IRAK3: variants seen among roughly 807,000 people sequenced by gnomAD.
IRAK3 encodes the protein interleukin-1 receptor-associated kinase 3.
A neutral mutation model predicts 56.6 loss-of-function variants in IRAK3; 57 were observed. The ratio of observed to expected loss-of-function variants is 1.01; its 90% CI spans 0.81 to 1.26. The LOEUF is 1.26. Among genes scored for constraint, IRAK3 ranks in the 50% most tolerant of loss-of-function variants. IRAK3 has a pLI of 0.00. For missense variants in IRAK3, 703 were observed against 719.0 expected (o/e 0.98, Z 0.25); for synonymous variants, 258 against 255.7 (o/e 1.01, Z -0.09).
chr12:66,209,426 T>A, intron 2 of IRAK3, 30 bp from the exon 3 acceptor site: 1 of 1,456,858 alleles, frequency 6.9e-7, no homozygotes, highest in Non-Finnish European at 9.6e-7. Context: ...AAAATTTTTT[T>A]GTATCTACCT....
At chr12:66,226,863 G>T in intron 7 of IRAK3, 26 bp downstream of exon 7, 1 of 1,326,788 alleles carries the variant, frequency 7.5e-7, no homozygotes. Flanking sequence ...TATTCTGTCT[G>T]ATCCTCTGAC....
rs143857306 is a variant in IRAK3 at position 66,245,182 on chromosome 12, C to T, written c.1234C>T (p.Arg412Trp). The change falls in exon 11 of 12, where the codon CGG (arginine) becomes TGG (tryptophan). Residue 412 changes from arginine (R) to tryptophan (W), a missense_variant. Coordinates refer to ENST00000261233, the MANE Select transcript of IRAK3 (RefSeq NM_007199.3). ...FLDKKVPPCP[R>W]NFSAKLFCLA... ...AGATAAGAAAGTGCCTCCCTGCCCTCGGAATTTCTCTGCCAAGCTCTTCTG... is the reference window on the plus strand; with the variant it reads ...AGATAAGAAAGTGCCTCCCTGCCCTTGGAATTTCTCTGCCAAGCTCTTCTG... 94 of 1,614,138 alleles carry T rather than the reference C, an allele frequency of 5.8e-5. No individual in the cohort carries two copies. The highest frequency in any genetic ancestry group is 1.7e-4 in the Middle Eastern group (1 of 6,060).
chr12:66,246,683 T>G (rs2053036488), intron 11 of IRAK3, among the ~76,000 whole-genome samples: 1 of 152,258 alleles, frequency 6.6e-6, no homozygotes, highest in Admixed American at 6.5e-5. Context: ...TTATCATCTA[T>G]AAAATGAGAA....
rs1053716079 is a variant in IRAK3 at position 66,250,827 on chromosome 12, T to G, written c.*2656T>G. ...TGGAAAGCTGGTTAAAAACGCAGAT[T>G]GCTGGGTCCACCCAGCTTCTGATGC... On this transcript the variant is annotated 3_prime_UTR_variant, in exon 12 of 12. Transcript: ENST00000261233. 2 of 152,238 alleles carry G rather than the reference T, an allele frequency of 1.3e-5. No homozygotes were observed. Among genetic ancestry groups the G allele is most frequent in the African/African-American group, 4.8e-5 (2 of 41,466 alleles). The allele number at this position is 152,238 out of a possible 1,614,324, so 9.4% of individuals were successfully genotyped here.
chr12:66,196,843 T>G, intron 1 of IRAK3: 6 of 1,459,548 alleles, frequency 4.1e-6, no homozygotes, highest in Non-Finnish European at 5.4e-6. Flanking sequence ...GCATGCTTTG[T>G]AGAAAGAAAG....
intron 5 of IRAK3, among the ~76,000 whole-genome samples, chr12:66,211,945 T>C (rs1445113112): frequency 2.6e-5 from 4 of 152,078 alleles, no homozygotes; most frequent in Non-Finnish European, 5.9e-5. Flanking sequence ...ACCCTGTCTC[T>C]ACTAAAAACA....
At position 66,244,693 on chromosome 12, in the gene IRAK3, C is replaced by T. The variant is rs2136952912; in HGVS notation, c.1086+9C>T. On this transcript the variant is annotated intron_variant, in intron 9 of 11. Transcript: ENST00000261233. ...TCTACAGCTTTGGAATTGTGAGTAC[C>T]AACTGCCAGTTAACAAAGGAGAGTT... The T allele has an allele frequency of 1.2e-6, 2 of 1,602,976 alleles. No homozygotes were observed. Among genetic ancestry groups the T allele is most frequent in the Non-Finnish European group, 1.7e-6 (2 of 1,169,904 alleles).
chr12:66,210,139 T>C lies in IRAK3; in HGVS notation c.382-8T>C. The C allele has an allele frequency of 1.9e-6, 3 of 1,557,728 alleles. No homozygotes were observed. Among genetic ancestry groups the C allele is most frequent in the Non-Finnish European group, 8.9e-7 (1 of 1,128,826 alleles). On this transcript the variant is annotated splice_region_variant and splice_polypyrimidine_tract_variant and intron_variant, in intron 3 of 11. Transcript: ENST00000261233. ...TGGAATTACTTTAGTATATATTTCTTCTCTTAGGAAACAGCCAATGTCACC... is the reference window on the plus strand; with the variant it reads ...TGGAATTACTTTAGTATATATTTCTCCTCTTAGGAAACAGCCAATGTCACC...
intron 3 of IRAK3, 25 bp from the exon 4 acceptor site, chr12:66,210,122 C>T: frequency 7.0e-7 from 1 of 1,430,122 alleles, no homozygotes; most frequent in Non-Finnish European, 9.9e-7. Context: ...AATGGAATTA[C>T]TTTAGTATAT....
At chr12:66,224,453 A>G (rs999979021) in intron 6 of IRAK3, among the ~76,000 whole-genome samples, 3 of 152,186 alleles carry the variant, frequency 2.0e-5, no homozygotes, top group Non-Finnish European at 4.4e-5. Flanking sequence ...AACTTGGGGG[A>G]TGAGCAGCAG....
chr12:66,210,583 T>A (rs1393975197), intron 4 of IRAK3, among the ~76,000 whole-genome samples: 1 of 152,228 alleles, frequency 6.6e-6, no homozygotes, highest in African/African-American at 2.4e-5. Flanking sequence ...TGTAGAGCAA[T>A]GCTGAAGGTC....
chr12:66,239,864 G>T (rs1268329199), intron 8 of IRAK3, among the ~76,000 whole-genome samples: 1 of 151,998 alleles, frequency 6.6e-6, no homozygotes, highest in Non-Finnish European at 1.5e-5. Flanking sequence ...ACATATGCAC[G>T]GTACATGCCA....
At chr12:66,207,729 C>T (rs2052570854) in intron 2 of IRAK3, among the ~76,000 whole-genome samples, 1 of 151,998 alleles carries the variant, frequency 6.6e-6, no homozygotes, top group Non-Finnish European at 1.5e-5. Flanking sequence ...TTTTCATTTT[C>T]ATTCATCTCA....
chr12:66,209,587 G>A (rs1269055243), intron 3 of IRAK3, 67 bp downstream of exon 3: 1 of 998,224 alleles, frequency 1.0e-6, no homozygotes, highest in African/African-American at 1.6e-5. Context: ...CATAAGGAAT[G>A]AAATTAGCAG....
chr12:66,191,021 GAACA>G (rs2052393837), intron 1 of IRAK3, among the ~76,000 whole-genome samples: 1 of 152,144 alleles, frequency 6.6e-6, no homozygotes, highest in South Asian at 2.1e-4. Context: ...ACCCAAATGA[GAACA>G]AACAAAAGCT....
intron 1 of IRAK3, chr12:66,197,299 T>C (rs2052463725): frequency 9.3e-7 from 1 of 1,079,200 alleles, no homozygotes; most frequent in East Asian, 6.1e-5. Context: ...ATTTGATATG[T>C]ACTGCGAGTA....
intron 2 of IRAK3, 61 bp from the exon 3 acceptor site, chr12:66,209,395 A>C: frequency 1.1e-6 from 1 of 944,464 alleles, no homozygotes; most frequent in Non-Finnish European, 1.7e-6. Flanking sequence ...GAGTCTCAGA[A>C]AGGAAAAACA....
At chr12:66,233,089 A>C (rs1334479938) in intron 8 of IRAK3, among the ~76,000 whole-genome samples, 2 of 152,144 alleles carry the variant, frequency 1.3e-5, no homozygotes, top group African/African-American at 4.8e-5. Context: ...TTTACAAGGC[A>C]TAATAGACCA....
rs1458432598 is a variant in IRAK3 at position 66,253,950 on chromosome 12, A to G, written c.*5779A>G. On this transcript the variant is annotated 3_prime_UTR_variant, in exon 12 of 12. Coordinates refer to ENST00000261233, the MANE Select transcript of IRAK3 (RefSeq NM_007199.3). ...TGCCTTGAAAAAGAATAACTTAAAA[A>G]TTAAAAGTGTCCTCTATTTGAACAT... 3 of 152,210 alleles carry G rather than the reference A, an allele frequency of 2.0e-5. No individual in the cohort carries two copies. The highest frequency in any genetic ancestry group is 7.2e-5 in the African/African-American group (3 of 41,448). 9.4% of individuals were successfully genotyped at this position (152,210 alleles called of 1,614,324 possible).
Sources: gnomAD v4.1 joint callset for allele counts (sites outside exome capture counted in the v4.1 genomes callset) on GRCh38, gnomAD v4.1.1 for gene constraint, MANE v1.5 for transcripts, NCBI Gene and HGNC (gene_info 2026-07-23, HGNC 2026-07-21) for gene names.